The following ATG2A variants were observed in gnomAD, a reference collection of about 807,000 sequenced individuals.
The protein encoded by ATG2A is autophagy related 2A, also known as autophagy-related protein 2 homolog A.
ATG2A carries 103 observed loss-of-function variants against 214.2 expected under a neutral mutation model. The observed-to-expected ratio is 0.48, with a 90% confidence interval of 0.41 to 0.57. ATG2A has a LOEUF of 0.57. ATG2A is among the 20% of genes least tolerant of loss of function. The pLI is 0.00. For missense variants in ATG2A, 2,312 were observed against 2,613.2 expected (o/e 0.88, Z 2.51); for synonymous variants, 1,160 against 1,142.1 (o/e 1.02, Z -0.32).
intron 29 of ATG2A, among the ~76,000 whole-genome samples, chr11:64,901,661 C>T (rs1481557349): frequency 6.6e-6 from 1 of 152,142 alleles, no homozygotes; most frequent in African/African-American, 2.4e-5. Flanking sequence ...GGTTCTCCAT[C>T]CCTCTTGCTA....
rs1165992262 is a variant in ATG2A at position 64,897,936 on chromosome 11, C to T, written c.4897G>A (p.Glu1633Lys). 9 of 1,549,134 alleles carry T rather than the reference C, an allele frequency of 5.8e-6. No individual in the cohort carries two copies. In the South Asian group the frequency reaches 8.7e-5, roughly 15 times the overall value. ...ETRAQPSSPL[E>K]GQAEGVETTG... ...GTCTCTACGCCTTCGGCCTGCCCTT[C>T]CAGGGGGCTGCTGGGCTGGGCTCGA... The change falls in exon 35 of 41, where the codon GAA becomes AAA. Residue 1633 changes from glutamate (E) to lysine (K), a missense_variant. Glu to Lys is a moderately conservative substitution (Grantham distance 56). Transcript: ENST00000377264.
Position 64,896,541 on chromosome 11 carries a change from T to C in ATG2A, c.5348A>G (p.Gln1783Arg), listed in dbSNP as rs778296755. The part of the protein sequence containing the change: ...RKDGRLMRGL[Q>R]RGAASFGSST... ...TGAGCCAAAGGAGGCAGCCCCTCGC[T>C]GCAGCCCCCGCATGAGGCGGCCATC... is the stretch of plus-strand genomic sequence containing the variant. The change falls in exon 39 of 41, where the codon CAG (glutamine) becomes CGG (arginine). Residue 1783 changes from glutamine (Q) to arginine (R), a missense_variant. Gln to Arg is a conservative substitution (Grantham distance 43). Transcript: ENST00000377264. 7 of 1,613,864 alleles carry C rather than the reference T, an allele frequency of 4.3e-6. No individual in the cohort carries two copies. In the Admixed American group the frequency reaches 1.0e-4, roughly 23 times the overall value.
In ATG2A at chr11:64,911,981, G is replaced by A; in HGVS notation, c.1089C>T (p.Asp363=). The A allele has an allele frequency of 6.2e-7, 1 of 1,613,812 alleles. No homozygotes were observed. The highest frequency in any genetic ancestry group is 1.1e-5 in the South Asian group (1 of 91,022). Reference sequence around the variant, plus strand: ...TGAGGCCAGCCATGGAGAAGAAGAGGTCTGTGGGTGAAGTGAGGAGTGTCA... The same window carrying A: ...TGAGGCCAGCCATGGAGAAGAAGAGATCTGTGGGTGAAGTGAGGAGTGTCA... ...TNPLLNLDNT[D]LFFSMAGLTS... is the part of the protein sequence containing the mutation. Residue 363 remains aspartate (D), a splice_region_variant and synonymous_variant, in exon 9 of 41, where the codon GAC becomes GAT. Transcript: ENST00000377264.
intron 37 of ATG2A, 111 bp from the exon 38 acceptor site, chr11:64,896,980 C>CCCTCCCTGTGGTCCCACCCAGTCAT: frequency 6.9e-7 from 1 of 1,439,104 alleles, no homozygotes; most frequent in Non-Finnish European, 9.3e-7. Context: ...GGGCACTCTA[C>CCCTCCCTGTGGTCCCACCCAGTCAT]CCTCCCTGTG....
At position 64,910,212 on chromosome 11, in the gene ATG2A, T is replaced by C; in HGVS notation, c.1708-17A>G. On this transcript the variant is annotated splice_polypyrimidine_tract_variant and intron_variant, in intron 12 of 40. Transcript: ENST00000377264. ...GGGTCGGCTCTGAGGGCGAGGGCGT[T>C]CAGGTCAGTGAGGGCTGAGTGGTAC... The C allele has an allele frequency of 1.3e-6, 2 of 1,580,436 alleles. No homozygotes were observed. Among genetic ancestry groups the C allele is most frequent in the Middle Eastern group, 1.8e-4 (1 of 5,598 alleles).
chr11:64,909,798 C>G lies in ATG2A; in HGVS notation c.1990G>C (p.Val664Leu), dbSNP rs61746812. 6 of 1,612,014 alleles carry G rather than the reference C, an allele frequency of 3.7e-6. No homozygotes were observed. The highest frequency in any genetic ancestry group is 1.3e-5 in the African/African-American group (1 of 75,048). The change falls in exon 14 of 41, where the codon GTG becomes CTG. Residue 664 changes from valine to leucine, a missense_variant. Transcript: ENST00000377264. The part of the protein sequence containing the change: ...PEPDPWAGQA[V>L]RAEQLRLELS... ...TCCAGCCGAAGCTGCTCAGCCCGCA[C>G]GGCCTGGCCCGCCCAGGGGTCCGGC...
rs752585495 is a variant in ATG2A, at chr11:64,917,173, G to A, written c.-38C>T. ...CGGGCCTGGGCCGCCTCCGCTTGCC[G>A]CCCGCCGGCGATCCCCGTCCGGCTC... On this transcript the variant is annotated 5_prime_UTR_variant, in exon 1 of 41. Transcript: ENST00000377264. 1.1e-5 allele frequency: 17 copies of A among 1,552,780 alleles called. No individual in the cohort carries two copies. Among genetic ancestry groups the A allele is most frequent in the Non-Finnish European group, 2.6e-6 (3 of 1,148,914 alleles).
chr11:64,915,140 C>CA (rs1944930917), intron 1 of ATG2A, among the ~76,000 whole-genome samples: 1 of 43,910 alleles, frequency 2.3e-5, no homozygotes, highest in African/African-American at 6.3e-5. Context: ...GGACCCCCCC[C>CA]CCCCACCACC....
In ATG2A at chr11:64,894,814, C is replaced by A; in HGVS notation, c.*159G>T. ...GGCTAAGGCCCCAAGGCAGGGAGGC[C>A]CCCCTCTCACAGCAGATTGGCAACG... On this transcript the variant is annotated 3_prime_UTR_variant, in exon 41 of 41. Transcript: ENST00000377264. 3.3e-6 allele frequency: 3 copies of A among 915,692 alleles called. No individual in the cohort carries two copies. The highest frequency in any genetic ancestry group is 5.4e-6 in the Non-Finnish European group (3 of 559,360). The allele number at this position is 915,692 out of a possible 1,614,324, so 56.7% of individuals were successfully genotyped here. A position where few individuals can be genotyped will look rare whatever the true frequency, so the allele number is the denominator to read the frequency against.
Position 64,901,107 on chromosome 11 carries a change from G to C in ATG2A, c.4120-15C>G. ...CCATCTCGGGGCTGCAGGGAGGCCA[G>C]GTAGACGTGTGACACAGATGTTCGA... On this transcript the variant is annotated splice_polypyrimidine_tract_variant and intron_variant, in intron 29 of 40. Transcript: ENST00000377264. 6.4e-7 allele frequency: 1 copy of C among 1,553,954 alleles called. No individual in the cohort carries two copies.
intron 1 of ATG2A, among the ~76,000 whole-genome samples, chr11:64,915,052 A>G (rs1456140570): frequency 1.3e-5 from 2 of 151,950 alleles, no homozygotes; most frequent in African/African-American, 4.8e-5. Flanking sequence ...GGCAGAGTCC[A>G]GAATACCCAT....
rs1331779684 is a variant in ATG2A, at chr11:64,903,640, G to T, written c.3485C>A (p.Ala1162Asp). Residue 1162 changes from alanine to aspartate, a missense_variant, in exon 25 of 41, where the codon GCC becomes GAC. Transcript: ENST00000377264. The surrounding 1 kb of genome is among the most constrained non-coding windows in gnomAD (Gnocchi z 4.2). ...FLLRFILDDS[A>D]LYLSDKCEVE... Reference sequence around the variant, plus strand: ...CTCACACTTGTCGGACAGGTACAAGGCGGAGTCATCGAGGATGAACCTGGG... The same window carrying T: ...CTCACACTTGTCGGACAGGTACAAGTCGGAGTCATCGAGGATGAACCTGGG... The T allele has an allele frequency of 6.5e-7, 1 of 1,549,916 alleles. No homozygotes were observed. The highest frequency in any genetic ancestry group is 1.4e-5 in the African/African-American group (1 of 73,034).
rs1945013444 is a variant in ATG2A at position 64,916,950 on chromosome 11, G to A, written c.171+15C>T. ...CACCCTCCGCACCTTCCTGGACTCG[G>A]GCCTGGCTCCTCACCCAGATTTCCA... On this transcript the variant is annotated intron_variant, in intron 1 of 40. Coordinates refer to ENST00000377264, the MANE Select transcript of ATG2A (RefSeq NM_015104.3). 1.2e-6 allele frequency: 2 copies of A among 1,612,268 alleles called. No homozygotes were observed. Among genetic ancestry groups the A allele is most frequent in the East Asian group, 2.2e-5 (1 of 44,886 alleles).
Position 64,902,161 on chromosome 11 carries a change from T to C in ATG2A, c.3920A>G (p.Gln1307Arg). The change falls in exon 29 of 41, where the codon CAG (glutamine) becomes CGG (arginine). Residue 1307 changes from glutamine to arginine, a missense_variant. Transcript: ENST00000377264. ...TAGGTAGACGGAGATGGGCGACGCCTGAGGGAGGTGGCCACCTATAGGAGA... is the reference window on the plus strand; with the variant it reads ...TAGGTAGACGGAGATGGGCGACGCCCGAGGGAGGTGGCCACCTATAGGAGA... ...LAQPSGGHLP[Q>R]ASPISVYLFP... is the part of the protein sequence containing the mutation. The C allele has an allele frequency of 3.1e-6, 5 of 1,612,982 alleles. No individual in the cohort carries two copies. Among genetic ancestry groups the C allele is most frequent in the Non-Finnish European group, 4.2e-6 (5 of 1,179,918 alleles).
At chr11:64,907,990 A>C (rs897640379) in intron 16 of ATG2A, 100 bp from the exon 17 acceptor site, 4 of 1,376,952 alleles carry the variant, frequency 2.9e-6, no homozygotes, top group Non-Finnish European at 4.0e-6. Context: ...TTCATCATTC[A>C]TTCATTCATA....
At chr11:64,907,952 CT>C (rs1213238108) in intron 16 of ATG2A, 62 bp from the exon 17 acceptor site, 1 of 1,558,432 alleles carries the variant, frequency 6.4e-7, no homozygotes. Flanking sequence ...TGGGGCCTGT[CT>C]CTGGTCTCAG....
Position 64,910,073 on chromosome 11 carries a change from G to T in ATG2A, c.1830C>A (p.Ala610=). 6.2e-7 allele frequency: 1 copy of T among 1,603,902 alleles called. No individual in the cohort carries two copies. The part of the protein sequence containing the change: ...LDRLAALLRL[A]TVPAEPPAGL... ...CGGCTGGAGGCTCAGCAGGTACGGT[G>T]GCCAGGCGCAGTAGGGCGGCCAGCC... The change falls in exon 13 of 41, where the codon GCC becomes GCA. Residue 610 remains alanine (A), a synonymous_variant. Coordinates refer to ENST00000377264, the MANE Select transcript of ATG2A (RefSeq NM_015104.3).
chr11:64,912,129 C>A lies in ATG2A; in HGVS notation c.1043G>T (p.Ser348Ile), dbSNP rs749436749. 1.2e-6 allele frequency: 2 copies of A among 1,613,800 alleles called. No individual in the cohort carries two copies. The highest frequency in any genetic ancestry group is 2.7e-5 in the African/African-American group (2 of 74,934). The stretch of plus-strand genomic sequence containing the variant: ...AAGGGGGTTGGTAAGGGGGTCTGGG[C>A]TGAGGGGCTCAGCCACTGCCCCTGC... The part of the protein sequence containing the change: ...LQAGAVAEPL[S>I]PDPLTNPLLN... The change falls in exon 8 of 41, where the codon AGC becomes ATC. Residue 348 changes from serine (S) to isoleucine (I), a missense_variant. Transcript: ENST00000377264.
intron 31 of ATG2A, among the ~76,000 whole-genome samples, chr11:64,899,157 G>A (rs909506646): frequency 2.6e-5 from 4 of 152,050 alleles, no homozygotes; most frequent in Admixed American, 1.3e-4. Flanking sequence ...TGCCTGCCTC[G>A]TCCTCCCAAA....
Sources: gnomAD v4.1 joint callset for allele counts (sites outside exome capture counted in the v4.1 genomes callset) on GRCh38, gnomAD v4.1.1 for gene constraint, Gnocchi (gnomAD v3.1) non-coding constraint, MANE v1.5 for transcripts, NCBI Gene and HGNC (gene_info 2026-07-23, HGNC 2026-07-21) for gene names.